The following IGF1R variants were observed in gnomAD, a reference collection of about 807,000 sequenced individuals.
The protein encoded by IGF1R is insulin like growth factor 1 receptor.
IGF1R carries 44 observed loss-of-function variants against 144.6 expected under a neutral mutation model. The observed-to-expected ratio is 0.30, with a 90% CI of 0.24 to 0.39. The LOEUF is 0.39. IGF1R is among the 10% of genes least tolerant of loss of function. The probability of loss-of-function intolerance (pLI) is 1.00; values close to 1 mark genes in which losing one functional copy is unlikely to be tolerated. For synonymous variants in IGF1R, 795 were observed against 722.8 expected (o/e 1.10, Z -1.60); for missense variants, 1,355 against 1,833.7 (o/e 0.74, Z 4.77).
At position 98,908,989 on chromosome 15, in the gene IGF1R, G is replaced by C; in HGVS notation, c.1462+90G>C. On this transcript the variant is annotated intron_variant, in intron 6 of 20. Coordinates refer to ENST00000650285, the MANE Select transcript of IGF1R (RefSeq NM_000875.5). The stretch of plus-strand genomic sequence containing the variant: ...TGTGTGATGGCAGCTTTCCTCTGCG[G>C]CCCCTCCTGGTTTCACATGGGGGAC... 2.5e-6 allele frequency: 3 copies of C among 1,194,538 alleles called. No individual in the cohort carries two copies. The Admixed American group carries it at 5.9e-5, about 24-fold the overall frequency. The allele number at this position is 1,194,538 out of a possible 1,614,324, so 74.0% of individuals were successfully genotyped here. A position where few individuals can be genotyped will look rare whatever the true frequency, so the allele number is the denominator to read the frequency against.
chr15:98,937,720 CTCTG>C (rs1462729715), intron 17 of IGF1R, among the ~76,000 whole-genome samples: 2 of 152,216 alleles, frequency 1.3e-5, no homozygotes, highest in African/African-American at 2.4e-5. Context: ...AATTTCAGCC[CTCTG>C]TCTTTCTCCA....
chr15:98,930,335 C>T lies in IGF1R; in HGVS notation c.2956+30C>T, dbSNP rs528510149. On this transcript the variant is annotated intron_variant, in intron 15 of 20. Transcript: ENST00000650285. Reference sequence around the variant, plus strand: ...GAGTCCGGGCCACCAGCACTGCCAGCGTGCAGGGCAGGTAGATCGGGAGCT... The same window carrying T: ...GAGTCCGGGCCACCAGCACTGCCAGTGTGCAGGGCAGGTAGATCGGGAGCT... The T allele has an allele frequency of 3.2e-5, 50 of 1,543,732 alleles. No individual in the cohort carries two copies. The Admixed American group carries it at 5.9e-4, about 18-fold the overall frequency.
intron 20 of IGF1R, among the ~76,000 whole-genome samples, chr15:98,951,239 C>T (rs532266758): frequency 1.3e-5 from 2 of 152,284 alleles, no homozygotes; most frequent in Non-Finnish European, 2.9e-5. Context: ...CGGCTGGTGC[C>T]CTGGGCCTGG....
chr15:98,868,370 TG>T (rs5814907), intron 2 of IGF1R, among the ~76,000 whole-genome samples: 18,609 of 122,670 alleles, frequency 0.15, 1,620 homozygotes, highest in East Asian at 0.36. Context: ...TTTTTTTTTT[TG>T]GGGGGGGGGT....
At chr15:98,907,092 G>T (rs1463481771) in intron 5 of IGF1R, among the ~76,000 whole-genome samples, 6 of 152,204 alleles carry the variant, frequency 3.9e-5, no homozygotes, top group African/African-American at 1.4e-4. Flanking sequence ...AGTAAACAGG[G>T]CTACAGATAG....
intron 2 of IGF1R, among the ~76,000 whole-genome samples, chr15:98,853,869 G>C (rs1017537684): frequency 6.6e-6 from 1 of 152,164 alleles, no homozygotes; most frequent in African/African-American, 2.4e-5. Flanking sequence ...GGCGTGGCCT[G>C]GGTGGCCAGG....
At chr15:98,712,010 G>T (rs375981414) in intron 2 of IGF1R, among the ~76,000 whole-genome samples, 9 of 152,126 alleles carry the variant, frequency 5.9e-5, no homozygotes, top group Non-Finnish European at 1.3e-4. Flanking sequence ...CATTTGTGAG[G>T]GCTCCACCCT....
At chr15:98,747,842 G>T (rs530521762) in intron 2 of IGF1R, among the ~76,000 whole-genome samples, 1 of 152,116 alleles carries the variant, frequency 6.6e-6, no homozygotes, top group African/African-American at 2.4e-5. Context: ...TCACTAATTT[G>T]TTGGGAAATG....
At chr15:98,730,439 A>G (rs1447817024) in intron 2 of IGF1R, among the ~76,000 whole-genome samples, 2 of 152,196 alleles carry the variant, frequency 1.3e-5, no homozygotes, top group Admixed American at 6.5e-5. Flanking sequence ...AGAACTACCA[A>G]TGGGTAGCAG....
chr15:98,944,659 G>T (rs12916884), intron 19 of IGF1R, among the ~76,000 whole-genome samples: 38,694 of 152,174 alleles, frequency 0.25, 4,994 homozygotes, highest in South Asian at 0.4. Flanking sequence ...GAATTGTATT[G>T]GGCTTTGTAG....
chr15:98,943,020 G>A lies in IGF1R; in HGVS notation c.3555G>A (p.Lys1185=), dbSNP rs533034138. The part of the protein sequence containing the change: ...PVRWMSPESL[K]DGVFTTYSDV... ...GCTGGATGTCTCCTGAGTCCCTCAA[G>A]GATGGAGTCTTCACCACTTACTCGG... is the stretch of plus-strand genomic sequence containing the variant. Residue 1185 remains lysine (K), a synonymous_variant, in exon 19 of 21, where the codon AAG becomes AAA. Coordinates refer to ENST00000650285, the MANE Select transcript of IGF1R (RefSeq NM_000875.5). 2 of 1,614,232 alleles carry A rather than the reference G, an allele frequency of 1.2e-6. No individual in the cohort carries two copies. Among genetic ancestry groups the A allele is most frequent in the East Asian group, 2.2e-5 (1 of 44,890 alleles).
intron 2 of IGF1R, among the ~76,000 whole-genome samples, chr15:98,738,893 G>A (rs778121049): frequency 6.6e-6 from 1 of 152,130 alleles, no homozygotes; most frequent in African/African-American, 2.4e-5. Context: ...TTTTGCACAT[G>A]TTTTCTCACC....
intron 2 of IGF1R, among the ~76,000 whole-genome samples, chr15:98,729,402 G>A (rs1015683796): frequency 6.6e-6 from 1 of 152,192 alleles, no homozygotes; most frequent in African/African-American, 2.4e-5. Context: ...GACCTCCACA[G>A]GTAATCTTGT....
intron 6 of IGF1R, among the ~76,000 whole-genome samples, chr15:98,909,736 A>G (rs990590994): frequency 6.6e-6 from 1 of 152,196 alleles, no homozygotes; most frequent in Non-Finnish European, 1.5e-5. Flanking sequence ...CCACCCCAAC[A>G]TGAAAAAGAT....
chr15:98,651,907 C>A (rs2052377225), intron 1 of IGF1R, among the ~76,000 whole-genome samples: 1 of 152,200 alleles, frequency 6.6e-6, no homozygotes, highest in Non-Finnish European at 1.5e-5. Context: ...AAAGCTATGC[C>A]TGTGAACGGG....
At chr15:98,751,878 G>T (rs1355377685) in intron 2 of IGF1R, among the ~76,000 whole-genome samples, 1 of 152,190 alleles carries the variant, frequency 6.6e-6, no homozygotes, top group Non-Finnish European at 1.5e-5. Context: ...GCTGTGGTTT[G>T]TGTGGACGTC....
At chr15:98,741,130 G>A (rs537140741) in intron 2 of IGF1R, among the ~76,000 whole-genome samples, 1 of 151,826 alleles carries the variant, frequency 6.6e-6, no homozygotes, top group South Asian at 2.1e-4. Context: ...GACTCTCTTG[G>A]GTAAATTATT....
chr15:98,801,629 C>T (rs1264428993), intron 2 of IGF1R, among the ~76,000 whole-genome samples: 1 of 152,210 alleles, frequency 6.6e-6, no homozygotes, highest in Non-Finnish European at 1.5e-5. Context: ...AATTGGACAG[C>T]CTGGGTTTGT....
chr15:98,663,152 G>T (rs1220306169), intron 1 of IGF1R, among the ~76,000 whole-genome samples: 1 of 152,170 alleles, frequency 6.6e-6, no homozygotes, highest in Non-Finnish European at 1.5e-5. Flanking sequence ...CCAGCTGAGG[G>T]AGGTGACTGG....
Sources: allele counts gnomAD v4.1 joint callset (sites outside exome capture counted in the v4.1 genomes callset), GRCh38; gene constraint gnomAD v4.1.1; transcripts MANE v1.5; gene names NCBI Gene and HGNC (gene_info 2026-07-23, HGNC 2026-07-21).